The following LUZP2 variants were observed in gnomAD, a reference collection of about 807,000 sequenced individuals.
LUZP2 encodes the protein leucine zipper protein 2.
In LUZP2, 52 loss-of-function variants were observed where a neutral mutation model predicts 51.6. The ratio of observed to expected loss-of-function variants is 1.01; its 90% confidence interval spans 0.81 to 1.27. The LOEUF (loss-of-function observed/expected upper bound fraction) is 1.27, where lower values mean the gene tolerates loss of function less well. Among genes scored for constraint, LUZP2 ranks in the 50% most tolerant of loss-of-function variants. LUZP2 has a pLI of 0.00. For synonymous variants in LUZP2, 154 were observed against 137.3 expected (o/e 1.12, Z -0.85); for missense variants, 436 against 395.4 (o/e 1.10, Z -0.87).
At chr11:25,062,738 A>G (rs1858881353) in intron 10 of LUZP2, among the ~76,000 whole-genome samples, 1 of 150,840 alleles carries the variant, frequency 6.6e-6, no homozygotes, top group South Asian at 2.1e-4. Context: ...TATTTTTGTC[A>G]GTTTTATATA....
chr11:24,758,468 C>A (rs1358849653), intron 4 of LUZP2, among the ~76,000 whole-genome samples: 1 of 151,844 alleles, frequency 6.6e-6, no homozygotes, highest in Non-Finnish European at 1.5e-5. Flanking sequence ...GGTAAAGATT[C>A]AAATAAAATC....
intron 9 of LUZP2, among the ~76,000 whole-genome samples, chr11:25,021,979 C>T (rs1857346937): frequency 6.6e-6 from 1 of 152,050 alleles, no homozygotes; most frequent in East Asian, 1.9e-4. Flanking sequence ...CACTCTTCAT[C>T]CTTCTCCAGG....
At chr11:25,014,685 T>C (rs1004161017) in intron 9 of LUZP2, among the ~76,000 whole-genome samples, 3 of 152,198 alleles carry the variant, frequency 2.0e-5, no homozygotes, top group African/African-American at 7.2e-5. Flanking sequence ...AAAAATTTTC[T>C]CCCATTCTGT....
chr11:25,050,341 G>T (rs1256892512), intron 10 of LUZP2, among the ~76,000 whole-genome samples: 1 of 112,586 alleles, frequency 8.9e-6, no homozygotes, highest in Non-Finnish European at 1.7e-5. Flanking sequence ...TTGGTCTGTC[G>T]CCCAGGCTGG....
intron 5 of LUZP2, among the ~76,000 whole-genome samples, chr11:24,886,108 G>T (rs182336013): frequency 6.6e-6 from 1 of 151,988 alleles, no homozygotes; most frequent in Non-Finnish European, 1.5e-5. Flanking sequence ...ATATCTTTCT[G>T]TAAAAATATG....
rs1858886154 is a variant in LUZP2 at position 24,735,176 on chromosome 11, A to G, written c.251+2988A>G. 2.6e-5 allele frequency among the ~76,000 whole-genome samples: 4 copies of G among 151,924 alleles called. No homozygotes were observed. In the South Asian group the frequency reaches 8.3e-4, roughly 31 times the overall value. On this transcript the variant is annotated intron_variant, in intron 3 of 11. Transcript: ENST00000336930. ...AGAGTGTCTTTCTAGCAAGACAAACAGAGAAAGGAGTGTGTTTGCATGTAT... is the reference window on the plus strand; with the variant it reads ...AGAGTGTCTTTCTAGCAAGACAAACGGAGAAAGGAGTGTGTTTGCATGTAT...
At chr11:24,907,549 T>G (rs1853496661) in intron 6 of LUZP2, among the ~76,000 whole-genome samples, 1 of 152,122 alleles carries the variant, frequency 6.6e-6, no homozygotes, top group Admixed American at 6.6e-5. Flanking sequence ...TTATATTTCC[T>G]AGGTTTTGGA....
chr11:24,711,573 T>C (rs1367302065), intron 1 of LUZP2, among the ~76,000 whole-genome samples: 1 of 152,008 alleles, frequency 6.6e-6, no homozygotes, highest in Non-Finnish European at 1.5e-5. Flanking sequence ...GCGGATGGAG[T>C]TGTCTCGCTC....
At chr11:24,705,376 A>G (rs12790301) in intron 1 of LUZP2, among the ~76,000 whole-genome samples, 32,402 of 152,060 alleles carry the variant, frequency 0.21, 3,555 homozygotes, top group African/African-American at 0.23. Flanking sequence ...GGTAGAAAAC[A>G]AAATCAATCG....
At chr11:24,500,200 C>T (rs945535217) in intron 1 of LUZP2, among the ~76,000 whole-genome samples, 3 of 152,078 alleles carry the variant, frequency 2.0e-5, no homozygotes, top group Admixed American at 1.3e-4. Flanking sequence ...AAAAGCCAAG[C>T]ATTTTTCTCT....
intron 5 of LUZP2, among the ~76,000 whole-genome samples, chr11:24,778,131 T>C (rs1848991698): frequency 6.6e-6 from 1 of 152,120 alleles, no homozygotes; most frequent in Non-Finnish European, 1.5e-5. Context: ...CTGGGCACAG[T>C]GGCTCATGCC....
intron 5 of LUZP2, among the ~76,000 whole-genome samples, chr11:24,772,467 A>T (rs748279168): frequency 6.6e-6 from 1 of 152,172 alleles, no homozygotes; most frequent in Non-Finnish European, 1.5e-5. Context: ...GACACACCCA[A>T]GAGGTTTTTA....
chr11:24,672,433 C>T (rs1055550729), intron 1 of LUZP2, among the ~76,000 whole-genome samples: 1 of 152,110 alleles, frequency 6.6e-6, no homozygotes, highest in Non-Finnish European at 1.5e-5. Context: ...TTACTGTATA[C>T]ATTAACATAT....
chr11:24,957,779 G>C (rs1224375447), intron 7 of LUZP2, among the ~76,000 whole-genome samples: 1 of 152,026 alleles, frequency 6.6e-6, no homozygotes, highest in East Asian at 1.9e-4. Context: ...TATACTTTAA[G>C]TTTTAGGGTA....
At chr11:24,808,552 C>T (rs1849920821) in intron 5 of LUZP2, among the ~76,000 whole-genome samples, 1 of 152,032 alleles carries the variant, frequency 6.6e-6, no homozygotes. Flanking sequence ...CTATAAGAAT[C>T]AAAGTTAAAT....
intron 1 of LUZP2, among the ~76,000 whole-genome samples, chr11:24,635,574 TTTAAA>T (rs1407677433): frequency 6.6e-6 from 1 of 152,156 alleles, no homozygotes; most frequent in Non-Finnish European, 1.5e-5. Context: ...AAGTAATCAA[TTTAAA>T]TTAAATTAAA....
At chr11:24,729,564 T>C (rs1858634373) in intron 2 of LUZP2, among the ~76,000 whole-genome samples, 1 of 151,960 alleles carries the variant, frequency 6.6e-6, no homozygotes, top group Non-Finnish European at 1.5e-5. Context: ...TTTTTGGTAT[T>C]ATAAAATGAC....
chr11:24,760,299 C>T (rs1859934876), intron 4 of LUZP2, among the ~76,000 whole-genome samples: 1 of 151,990 alleles, frequency 6.6e-6, no homozygotes, highest in Non-Finnish European at 1.5e-5. Flanking sequence ...TGTTAAATTC[C>T]CATCATGGCC....
At chr11:24,810,338 T>G (rs942039611) in intron 5 of LUZP2, among the ~76,000 whole-genome samples, 17 of 152,136 alleles carry the variant, frequency 1.1e-4, no homozygotes, top group Non-Finnish European at 1.5e-5. Context: ...TTTTGTAAGT[T>G]AGAAAGAATA....
Sources: gnomAD v4.1 joint callset for allele counts (sites outside exome capture counted in the v4.1 genomes callset) on GRCh38, gnomAD v4.1.1 for gene constraint, MANE v1.5 for transcripts, NCBI Gene and HGNC (gene_info 2026-07-23, HGNC 2026-07-21) for gene names.